Variants in AGR3 observed in about 807,000 individuals in gnomAD.
AGR3 encodes the protein anterior gradient 3, protein disulphide isomerase family member.
In AGR3, 37 loss-of-function variants were observed where a neutral mutation model predicts 24.5. The observed-to-expected ratio is 1.51, with a 90% CI of 1.16 to 1.99. The LOEUF is 1.99. Ranked by LOEUF, AGR3 falls within the 30% of genes most tolerant of loss-of-function variation. The probability of loss-of-function intolerance (pLI) is 0.00; values close to 1 mark genes in which losing one functional copy is unlikely to be tolerated. For synonymous variants in AGR3, 75 were observed against 61.6 expected (o/e 1.22, Z -1.02); for missense variants, 228 against 191.1 (o/e 1.19, Z -1.14).
At chr7:16,876,320 A>T (rs146881295) in intron 2 of AGR3, among the ~76,000 whole-genome samples, 33 of 152,234 alleles carry the variant, frequency 2.2e-4, no homozygotes, top group African/African-American at 7.5e-4. Context: ...TTATTCATTT[A>T]TCTAACATAT....
intron 3 of AGR3, 34 bp downstream of exon 3, chr7:16,873,746 T>G: frequency 6.6e-7 from 1 of 1,513,750 alleles, no homozygotes; most frequent in Non-Finnish European, 9.2e-7. Flanking sequence ...CTACTACAAA[T>G]AAAAGGAAAA....
chr7:16,865,611 T>C (rs1781743658), intron 3 of AGR3: 2 of 739,666 alleles, frequency 2.7e-6, no homozygotes, highest in Non-Finnish European at 5.0e-6. Flanking sequence ...AGAATCCCTA[T>C]AAACTGGTTA....
chr7:16,868,329 A>G (rs890712544), intron 3 of AGR3, among the ~76,000 whole-genome samples: 1 of 151,914 alleles, frequency 6.6e-6, no homozygotes, highest in Non-Finnish European at 1.5e-5. Context: ...CTAATTTTGT[A>G]TTTTTAGTAG....
Position 16,859,511 on chromosome 7 carries a change from T to A in AGR3, c.*71A>T. ...ATCTATATACTTGCACATTTAGTAT[T>A]TGTCAATGTGCCAGAGGTTTTCTTC... On this transcript the variant is annotated 3_prime_UTR_variant, in exon 8 of 8. Transcript: ENST00000310398. 2.9e-6 allele frequency: 3 copies of A among 1,018,588 alleles called. No individual in the cohort carries two copies. Among genetic ancestry groups the A allele is most frequent in the Non-Finnish European group, 4.4e-6 (3 of 684,486 alleles). 63.1% of individuals were successfully genotyped at this position (1,018,588 alleles called of 1,614,324 possible).
At chr7:16,873,877 C>T (rs199696270) in intron 2 of AGR3, 34 bp from the exon 3 acceptor site, 3 of 1,533,170 alleles carry the variant, frequency 2.0e-6, no homozygotes, top group African/African-American at 2.7e-5. Flanking sequence ...TGCAGTAACC[C>T]AGAACTAGAG....
At position 16,864,572 on chromosome 7, in the gene AGR3, G is replaced by A. The variant is rs567956800; in HGVS notation, c.174-1910C>T. On this transcript the variant is annotated intron_variant, in intron 3 of 7. Coordinates refer to ENST00000310398, the MANE Select transcript of AGR3 (RefSeq NM_176813.5). The stretch of plus-strand genomic sequence containing the variant: ...GGGAGCCTTCCAATATCTTGGATAA[G>A]AGAAATCTGAGCTTGATTTCTCATT... 102 of 1,450,026 alleles carry A rather than the reference G, an allele frequency of 7.0e-5. No individual in the cohort carries two copies. In the South Asian group the frequency reaches 1.1e-3, roughly 16 times the overall value. The allele number at this position is 1,450,026 out of a possible 1,614,324, so 89.8% of individuals were successfully genotyped here. A position where few individuals can be genotyped will look rare whatever the true frequency, so the allele number is the denominator to read the frequency against.
At chr7:16,865,262 G>T in intron 3 of AGR3, 1 of 916,770 alleles carries the variant, frequency 1.1e-6, no homozygotes, top group Admixed American at 2.1e-5. Flanking sequence ...GCCATAAGTT[G>T]TTTTCTCCTT....
rs1383396833 is a variant in AGR3 at position 16,876,833 on chromosome 7, GA to G, written c.109+1676del. Among the ~76,000 whole-genome samples the G allele has an allele frequency of 3.9e-5, 6 of 152,190 alleles. No individual in the cohort carries two copies. In the East Asian group the frequency reaches 1.2e-3, roughly 29 times the overall value. On this transcript the variant is annotated intron_variant, in intron 2 of 7. Transcript: ENST00000310398. Reference sequence around the variant, plus strand: ...AACAAGAGTTTTAAATAAATATTTAGAAGTGAGCACACAGAATGTTGATGCC... The same window carrying G: ...AACAAGAGTTTTAAATAAATATTTAGAGTGAGCACACAGAATGTTGATGCC...
intron 3 of AGR3, among the ~76,000 whole-genome samples, chr7:16,866,975 G>C (rs1488521616): frequency 1.3e-5 from 2 of 151,852 alleles, no homozygotes; most frequent in African/African-American, 4.8e-5. Context: ...TTCTTTGTTT[G>C]GCTATGCTCA....
chr7:16,881,389 C>T lies in AGR3; in HGVS notation c.-28+555G>A, dbSNP rs149331517. Reference sequence around the variant, plus strand: ...TACACTGTAGATTTTGAATAAATAACGCTTTCCTTGGTAAAATATAGTGTA... The same window carrying T: ...TACACTGTAGATTTTGAATAAATAATGCTTTCCTTGGTAAAATATAGTGTA... On this transcript the variant is annotated intron_variant, in intron 1 of 7. Coordinates refer to ENST00000310398, the MANE Select transcript of AGR3 (RefSeq NM_176813.5). 2.2e-3 allele frequency among the ~76,000 whole-genome samples: 334 copies of T among 152,230 alleles called. 2 individuals are homozygous for T. Among genetic ancestry groups the T allele is most frequent in the Middle Eastern group, 0.017 (5 of 294 alleles).
At chr7:16,864,401 C>G in intron 3 of AGR3, 1 of 1,287,276 alleles carries the variant, frequency 7.8e-7, no homozygotes, top group Non-Finnish European at 1.1e-6. Context: ...GTTTCCAGCT[C>G]TGTGTCCTGT....
chr7:16,872,825 C>T (rs1781910079), intron 3 of AGR3, among the ~76,000 whole-genome samples: 1 of 152,052 alleles, frequency 6.6e-6, no homozygotes. Context: ...AAAGAAGACA[C>T]ACAAATGGCC....
At position 16,880,074 on chromosome 7, in the gene AGR3, C is replaced by A. The variant is rs151150133; in HGVS notation, c.-27-1429G>T. ...CTTCCCTTCCCCTTCCTTCCTTCCC[C>A]TTCCTTCTTTCCCCTTCCTTCCTTC... On this transcript the variant is annotated intron_variant, in intron 1 of 7. Coordinates refer to ENST00000310398, the MANE Select transcript of AGR3 (RefSeq NM_176813.5). 4.9e-3 allele frequency among the ~76,000 whole-genome samples: 733 copies of A among 148,258 alleles called. 2 individuals carry two copies. The highest frequency in any genetic ancestry group is 0.018 in the African/African-American group (702 of 39,680).
chr7:16,877,420 G>A (rs1188655313), intron 2 of AGR3, among the ~76,000 whole-genome samples: 8 of 150,370 alleles, frequency 5.3e-5, no homozygotes, highest in African/African-American at 2.0e-4. Context: ...TTACTCCAAG[G>A]CACTTGACTA....
intron 1 of AGR3, among the ~76,000 whole-genome samples, chr7:16,880,509 T>TTTCCCCTCCC (rs1346113012): frequency 1.5e-4 from 1 of 6,772 alleles, no homozygotes; most frequent in East Asian, 3.2e-3. Context: ...TTTCCCCTCC[T>TTTCCCCTCCC]CTTTCCCCTC....
chr7:16,860,331 G>A, intron 7 of AGR3, 169 bp downstream of exon 7: 1 of 567,628 alleles, frequency 1.8e-6, no homozygotes, highest in Non-Finnish European at 3.2e-6. Flanking sequence ...TAGATTCTGA[G>A]GTACCCCCAA....
rs1450001958 is a variant in AGR3 at position 16,862,620 on chromosome 7, T to C, written c.216A>G (p.Gln72=). ...LMVIHHLEDC[Q]YSQALKKVFA... is the part of the protein sequence containing the mutation. Reference sequence around the variant, plus strand: ...AGGGGCTAAAATTACCTTGAGAGTATTGACAATCCTCCAGGTGATGAATAA... The same window carrying C: ...AGGGGCTAAAATTACCTTGAGAGTACTGACAATCCTCCAGGTGATGAATAA... Residue 72 remains glutamine (Q), a synonymous_variant, in exon 4 of 8, where the codon CAA becomes CAG. Coordinates refer to ENST00000310398, the MANE Select transcript of AGR3 (RefSeq NM_176813.5). 2 of 1,533,906 alleles carry C rather than the reference T, an allele frequency of 1.3e-6. No homozygotes were observed. The highest frequency in any genetic ancestry group is 1.7e-6 in the Non-Finnish European group (2 of 1,147,410).
chr7:16,878,041 G>T (rs1305611121), intron 2 of AGR3, among the ~76,000 whole-genome samples: 1 of 151,940 alleles, frequency 6.6e-6, no homozygotes, highest in African/African-American at 2.4e-5. Flanking sequence ...ATATAGCAAA[G>T]ACTTAGTTAC....
intron 1 of AGR3, among the ~76,000 whole-genome samples, chr7:16,879,427 G>C (rs926855562): frequency 1.3e-5 from 2 of 152,128 alleles, no homozygotes; most frequent in African/African-American, 4.8e-5. Flanking sequence ...GGCCTGATCT[G>C]GTCATAAACC....
Sources: allele counts gnomAD v4.1 joint callset (sites outside exome capture counted in the v4.1 genomes callset), GRCh38; gene constraint gnomAD v4.1.1; transcripts MANE v1.5; gene names NCBI Gene and HGNC (gene_info 2026-07-23, HGNC 2026-07-21).